Variants in ANTXR1 observed in about 807,000 individuals in gnomAD.
ANTXR1 encodes ANTXR cell adhesion molecule 1, also known as anthrax toxin receptor 1.
In ANTXR1, 19 loss-of-function variants were observed where a neutral mutation model predicts 78.1. That is an observed-to-expected ratio of 0.24 (90% CI 0.17 to 0.36). ANTXR1 has a LOEUF of 0.36. Ranked by LOEUF, ANTXR1 falls within the 10% of genes least tolerant of loss-of-function variation. The pLI, the probability that ANTXR1 is intolerant of heterozygous loss-of-function variation, is 1.00. For missense variants in ANTXR1, 518 were observed against 718.6 expected (o/e 0.72, Z 3.19); for synonymous variants, 273 against 260.5 (o/e 1.05, Z -0.46).
intron 9 of ANTXR1, among the ~76,000 whole-genome samples, chr2:69,096,470 AAGAG>A (rs1671431974): frequency 1.4e-5 from 2 of 142,964 alleles, no homozygotes; most frequent in South Asian, 2.6e-4. Flanking sequence ...GAAAGAAAGA[AAGAG>A]AGAGAGAAAG....
intron 17 of ANTXR1, among the ~76,000 whole-genome samples, chr2:69,221,852 G>A (rs1477761912): frequency 6.6e-6 from 1 of 152,212 alleles, no homozygotes; most frequent in Non-Finnish European, 1.5e-5. Context: ...AGAGTTTTTA[G>A]TGCCTTTAAT....
chr2:69,111,926 GA>G (rs1487384677), intron 10 of ANTXR1, among the ~76,000 whole-genome samples: 1 of 152,140 alleles, frequency 6.6e-6, no homozygotes, highest in East Asian at 1.9e-4. Context: ...GAGGGCAGGA[GA>G]ACATAAACTT....
chr2:69,172,627 C>G, intron 14 of ANTXR1: 1 of 958,926 alleles, frequency 1.0e-6, no homozygotes, highest in Non-Finnish European at 1.3e-6. Context: ...CTATCAACAT[C>G]ATATTCTGAG....
intron 17 of ANTXR1, among the ~76,000 whole-genome samples, chr2:69,203,743 CCTT>C (rs201911927): frequency 0.03 from 4,507 of 152,106 alleles, 249 homozygotes; most frequent in African/African-American, 0.1. Context: ...TCCTCCTCCT[CCTT>C]ATTATCACCA....
intron 12 of ANTXR1, among the ~76,000 whole-genome samples, chr2:69,145,025 G>A (rs1290674248): frequency 1.3e-5 from 2 of 152,154 alleles, no homozygotes; most frequent in Admixed American, 1.3e-4. Flanking sequence ...GAAAAATGAG[G>A]CCAAAAAATG....
chr2:69,064,146 G>A (rs766030194), intron 3 of ANTXR1, among the ~76,000 whole-genome samples: 25 of 152,104 alleles, frequency 1.6e-4, no homozygotes, highest in African/African-American at 5.8e-4. Context: ...ACTGGCTAAA[G>A]AAGCAAGATC....
intron 17 of ANTXR1, among the ~76,000 whole-genome samples, chr2:69,223,131 G>A (rs1675362921): frequency 6.6e-6 from 1 of 152,166 alleles, no homozygotes; most frequent in South Asian, 2.1e-4. Flanking sequence ...CCTCTACTCA[G>A]AAGGTCCCCA....
At position 69,067,962 on chromosome 2, in the gene ANTXR1, A is replaced by G. The variant is rs1670452139; in HGVS notation, c.297-2685A>G. ...GAATATTAGAGGTAATATAAGAAATACAACCTAGAGAATGATTTTTAACCA... is the reference window on the plus strand; with the variant it reads ...GAATATTAGAGGTAATATAAGAAATGCAACCTAGAGAATGATTTTTAACCA... On this transcript the variant is annotated intron_variant, in intron 3 of 17. Coordinates refer to ENST00000303714, the MANE Select transcript of ANTXR1 (RefSeq NM_032208.3). 2.0e-5 allele frequency among the ~76,000 whole-genome samples: 3 copies of G among 152,254 alleles called. No homozygotes were observed. In the South Asian group the frequency reaches 6.2e-4, roughly 31 times the overall value.
chr2:69,096,354 G>A (rs796119300), intron 9 of ANTXR1, among the ~76,000 whole-genome samples: 25,685 of 32,374 alleles, frequency 0.79, 10,554 homozygotes, highest in East Asian at 0.93. Flanking sequence ...GGGAGGAAGG[G>A]AGGAAGGGAG....
chr2:69,245,742 C>T lies in ANTXR1; in HGVS notation c.*257C>T, dbSNP rs1043956311. On this transcript the variant is annotated 3_prime_UTR_variant, in exon 18 of 18. Coordinates refer to ENST00000303714, the MANE Select transcript of ANTXR1 (RefSeq NM_032208.3). ...TATCACCTCTAGAAGGTTCCAGAGA[C>T]AGTGAAACTGCAAGATGCTCTCAAC... 1 of 471,590 alleles carries T rather than the reference C, an allele frequency of 2.1e-6. No individual in the cohort carries two copies. The highest frequency in any genetic ancestry group is 3.7e-6 in the Non-Finnish European group (1 of 267,304). The allele number at this position is 471,590 out of a possible 1,614,324, so 29.2% of individuals were successfully genotyped here.
At chr2:69,125,447 A>G (rs1418053538) in intron 12 of ANTXR1, among the ~76,000 whole-genome samples, 1 of 152,168 alleles carries the variant, frequency 6.6e-6, no homozygotes, top group Non-Finnish European at 1.5e-5. Flanking sequence ...TGCAGCTGTG[A>G]CTGAGAACCC....
chr2:69,063,235 G>A (rs1368241295), intron 3 of ANTXR1, among the ~76,000 whole-genome samples: 1 of 151,968 alleles, frequency 6.6e-6, no homozygotes, highest in Non-Finnish European at 1.5e-5. Context: ...TCACCTAAGT[G>A]CATCATAGTC....
At position 69,245,521 on chromosome 2, in the gene ANTXR1, T is replaced by C. The variant is rs552552835; in HGVS notation, c.*36T>C. The stretch of plus-strand genomic sequence containing the variant: ...TCCTGCTCTGGGCTCTCTCAGAAAC[T>C]TCAGGAGATGTTAGAACAAGTCTTT... On this transcript the variant is annotated 3_prime_UTR_variant, in exon 18 of 18. Transcript: ENST00000303714. 1.9e-6 allele frequency: 3 copies of C among 1,605,370 alleles called. No homozygotes were observed. Among genetic ancestry groups the C allele is most frequent in the Admixed American group, 3.4e-5 (2 of 59,484 alleles).
At chr2:69,089,333 C>T (rs1000130170) in intron 8 of ANTXR1, among the ~76,000 whole-genome samples, 29 of 152,140 alleles carry the variant, frequency 1.9e-4, no homozygotes, top group Non-Finnish European at 2.6e-4. Context: ...CATTTTCTTT[C>T]GCAATGCTTC....
Position 69,070,695 on chromosome 2 carries a change from A to T in ANTXR1, c.345A>T (p.Gly115=). The T allele has an allele frequency of 6.2e-7, 1 of 1,614,182 alleles. No individual in the cohort carries two copies. The highest frequency in any genetic ancestry group is 8.5e-7 in the Non-Finnish European group (1 of 1,180,018). Residue 115 remains glycine, a synonymous_variant, in exon 4 of 18, where the codon GGA becomes GGT. Transcript: ENST00000303714. ...AAGAACTCCAGAAAGTTCTGCCAGG[A>T]GGAGACACTTACATGCATGAAGGAT... ...GLEELQKVLP[G]GDTYMHEGFE... is the part of the protein sequence containing the mutation.
intron 17 of ANTXR1, among the ~76,000 whole-genome samples, chr2:69,200,629 C>G (rs1674753398): frequency 6.6e-6 from 1 of 152,194 alleles, no homozygotes; most frequent in Non-Finnish European, 1.5e-5. Flanking sequence ...ATTTCTAAGG[C>G]CTGCCATGGC....
intron 16 of ANTXR1, among the ~76,000 whole-genome samples, chr2:69,186,028 C>A (rs11126225): frequency 6.6e-6 from 1 of 151,914 alleles, no homozygotes; most frequent in Non-Finnish European, 1.5e-5. Flanking sequence ...TTTGACCCCC[C>A]GCAGGCACCA....
At chr2:69,216,570 G>T (rs1193579785) in intron 17 of ANTXR1, among the ~76,000 whole-genome samples, 1 of 152,088 alleles carries the variant, frequency 6.6e-6, no homozygotes, top group Non-Finnish European at 1.5e-5. Context: ...GAAACACAGT[G>T]TGTCCAGATA....
Position 69,134,679 on chromosome 2 carries a change from A to G in ANTXR1, c.951+10036A>G, listed in dbSNP as rs558881243. ...TATCACAAATAAGTTTGGTTCTTAC[A>G]TCTTGAAAATGAATCTAAGAGAGCT... On this transcript the variant is annotated intron_variant, in intron 12 of 17. Transcript: ENST00000303714. Among the ~76,000 whole-genome samples, 11 of 152,308 alleles carry G rather than the reference A, an allele frequency of 7.2e-5. No individual in the cohort carries two copies. In the East Asian group the frequency reaches 1.9e-3, roughly 27 times the overall value.
Sources: allele counts gnomAD v4.1 joint callset (sites outside exome capture counted in the v4.1 genomes callset), GRCh38; gene constraint gnomAD v4.1.1; transcripts MANE v1.5; gene names NCBI Gene and HGNC (gene_info 2026-07-23, HGNC 2026-07-21).